The following STXBP5L variants were observed in gnomAD, a reference collection of about 807,000 sequenced individuals.
The protein encoded by STXBP5L is syntaxin-binding protein 5-like.
Under a neutral mutation model 144.5 loss-of-function variants are expected in STXBP5L, and 65 were observed. The ratio of observed to expected loss-of-function variants is 0.45; its 90% CI spans 0.37 to 0.55. The LOEUF (loss-of-function observed/expected upper bound fraction) is 0.55, where lower values mean the gene tolerates loss of function less well. STXBP5L is among the 20% of genes least tolerant of loss of function. The pLI is 0.00. For missense variants in STXBP5L, 1,298 were observed against 1,405.5 expected, an observed-to-expected ratio of 0.92 and a Z score of 1.22; for synonymous variants, 505 against 469.6, an observed-to-expected ratio of 1.08 and a Z score of -0.97.
intron 5 of STXBP5L, among the ~76,000 whole-genome samples, chr3:121,107,490 T>C (rs1276321864): frequency 6.6e-6 from 1 of 152,184 alleles, no homozygotes; most frequent in African/African-American, 2.4e-5. Context: ...CCCCATTGCT[T>C]CTTTTTGTCA....
At chr3:121,238,798 A>C (rs1266699039) in intron 12 of STXBP5L, among the ~76,000 whole-genome samples, 173 bp from the exon 13 acceptor site, 1 of 150,128 alleles carries the variant, frequency 6.7e-6, no homozygotes, top group African/African-American at 2.5e-5. Flanking sequence ...ACATTTTATA[A>C]ATTACTATTA....
chr3:121,046,884 T>A (rs1479233954), intron 5 of STXBP5L, among the ~76,000 whole-genome samples: 2 of 152,130 alleles, frequency 1.3e-5, no homozygotes, highest in African/African-American at 4.8e-5. Context: ...AGTTATTTCT[T>A]GTCTTTTGCT....
At chr3:120,924,796 G>C (rs950504933) in intron 2 of STXBP5L, 2 of 150,260 alleles carry the variant, frequency 1.3e-5, no homozygotes, top group African/African-American at 4.9e-5. Flanking sequence ...TGCAAGCTCC[G>C]CCTCCCGGGT....
intron 3 of STXBP5L, among the ~76,000 whole-genome samples, chr3:120,973,519 T>C (rs1940528470): frequency 6.6e-6 from 1 of 152,028 alleles, no homozygotes; most frequent in Admixed American, 6.6e-5. Context: ...ATTTTCAGAA[T>C]ACTAACTTTT....
At chr3:121,376,497 C>T (rs1206329682) in intron 20 of STXBP5L, among the ~76,000 whole-genome samples, 1 of 152,176 alleles carries the variant, frequency 6.6e-6, no homozygotes, top group African/African-American at 2.4e-5. Context: ...GGAATTCTTT[C>T]CCCATTGCTT....
intron 20 of STXBP5L, among the ~76,000 whole-genome samples, chr3:121,326,228 A>G (rs1577464463): frequency 6.6e-6 from 1 of 152,012 alleles, no homozygotes; most frequent in Non-Finnish European, 1.5e-5. Flanking sequence ...CTAATAAAAA[A>G]TACCTCTTTA....
At chr3:120,947,754 A>G (rs892368551) in intron 2 of STXBP5L, among the ~76,000 whole-genome samples, 6 of 151,844 alleles carry the variant, frequency 4.0e-5, no homozygotes, top group African/African-American at 1.4e-4. Context: ...AACATTTTCA[A>G]GGTTCATCTA....
chr3:121,018,969 TG>T (rs1945345263), intron 3 of STXBP5L, among the ~76,000 whole-genome samples: 1 of 152,182 alleles, frequency 6.6e-6, no homozygotes, highest in Admixed American at 6.5e-5. Flanking sequence ...GCTTGTAGCC[TG>T]GGGCAGATTC....
At chr3:121,105,552 G>A (rs73189328) in intron 5 of STXBP5L, among the ~76,000 whole-genome samples, 5,425 of 152,078 alleles carry the variant, frequency 0.036, 149 homozygotes, top group Middle Eastern at 0.082. Flanking sequence ...AAAATAAAAA[G>A]AATAGGCGTT....
chr3:121,272,052 G>T (rs339008), intron 18 of STXBP5L, among the ~76,000 whole-genome samples: 74,339 of 152,098 alleles, frequency 0.49, 18,632 homozygotes, highest in East Asian at 0.73. Flanking sequence ...CATGTTATCT[G>T]TTCTGAAGAA....
chr3:121,161,422 A>G (rs959174169), intron 9 of STXBP5L, among the ~76,000 whole-genome samples: 1 of 151,898 alleles, frequency 6.6e-6, no homozygotes, highest in Non-Finnish European at 1.5e-5. Flanking sequence ...TCCTCTTTAT[A>G]TAATGTGTCA....
intron 3 of STXBP5L, among the ~76,000 whole-genome samples, chr3:121,035,076 C>G (rs1338018451): frequency 1.3e-5 from 2 of 151,818 alleles, no homozygotes; most frequent in South Asian, 2.1e-4. Flanking sequence ...ATTTGTTTTA[C>G]TGTTGTTGAG....
At chr3:121,351,197 G>A (rs1211246141) in intron 20 of STXBP5L, among the ~76,000 whole-genome samples, 1 of 152,120 alleles carries the variant, frequency 6.6e-6, no homozygotes, top group Non-Finnish European at 1.5e-5. Context: ...CTCAGCTGCA[G>A]GTCTGTTGGA....
chr3:121,039,949 T>C (rs1947030806), intron 3 of STXBP5L, among the ~76,000 whole-genome samples: 1 of 148,852 alleles, frequency 6.7e-6, no homozygotes, highest in African/African-American at 2.5e-5. Context: ...CTATTTGAGA[T>C]AGATAGGTAG....
At chr3:121,092,048 CTTGT>C (rs1261377941) in intron 5 of STXBP5L, among the ~76,000 whole-genome samples, 1 of 152,086 alleles carries the variant, frequency 6.6e-6, no homozygotes, top group African/African-American at 2.4e-5. Context: ...TTCCCCATTG[CTTGT>C]TTTTCTCGGG....
intron 5 of STXBP5L, among the ~76,000 whole-genome samples, chr3:121,092,263 T>G (rs1239671666): frequency 6.6e-6 from 1 of 151,900 alleles, no homozygotes; most frequent in Non-Finnish European, 1.5e-5. Flanking sequence ...GGCTCTTTCT[T>G]GGTTCCATAT....
intron 5 of STXBP5L, among the ~76,000 whole-genome samples, chr3:121,083,677 AT>A (rs1269234383): frequency 4.7e-4 from 71 of 150,396 alleles, no homozygotes; most frequent in African/African-American, 1.6e-3. Flanking sequence ...AAAAAAAAAA[AT>A]GGTGTCAATT....
At chr3:121,147,635 C>T (rs1021578813) in intron 7 of STXBP5L, among the ~76,000 whole-genome samples, 4 of 152,092 alleles carry the variant, frequency 2.6e-5, no homozygotes, top group Admixed American at 1.3e-4. Flanking sequence ...TATGTGTCAA[C>T]TTGACTGGGC....
At chr3:121,227,063 T>G (rs904573262) in intron 11 of STXBP5L, among the ~76,000 whole-genome samples, 11 of 152,116 alleles carry the variant, frequency 7.2e-5, no homozygotes, top group African/African-American at 2.4e-4. Flanking sequence ...TTTATTTAAC[T>G]TATATAAATA....
Sources: allele counts gnomAD v4.1 joint callset (sites outside exome capture counted in the v4.1 genomes callset), GRCh38; gene constraint gnomAD v4.1.1; transcripts MANE v1.5; gene names NCBI Gene and HGNC (gene_info 2026-07-23, HGNC 2026-07-21).